The following PDE11A variants were observed in gnomAD, a reference collection of about 807,000 sequenced individuals.
The protein encoded by PDE11A is dual 3',5'-cyclic-AMP and -GMP phosphodiesterase 11A.
PDE11A carries 100 observed loss-of-function variants against 100.5 expected under a neutral mutation model. That is an observed-to-expected ratio of 1.00 (90% CI 0.85 to 1.18). The LOEUF (loss-of-function observed/expected upper bound fraction) is 1.18, where lower values mean the gene tolerates loss of function less well. PDE11A is among the 50% of genes most tolerant of loss of function. The pLI is 0.00. For missense variants in PDE11A, 1,141 were observed against 1,152.6 expected, an observed-to-expected ratio of 0.99 and a Z score of 0.15; for synonymous variants, 381 against 420.8, an observed-to-expected ratio of 0.91 and a Z score of 1.16.
chr2:178,034,397 G>A (rs2105843522), intron 1 of PDE11A, among the ~76,000 whole-genome samples: 1 of 152,312 alleles, frequency 6.6e-6, no homozygotes, highest in Non-Finnish European at 1.5e-5. Flanking sequence ...GACTTACAAA[G>A]AGACTTAGAT....
At chr2:177,969,750 C>G (rs1160556463) in intron 2 of PDE11A, among the ~76,000 whole-genome samples, 1 of 152,166 alleles carries the variant, frequency 6.6e-6, no homozygotes. Flanking sequence ...TTGTATTACA[C>G]TACTTTGTAT....
intron 12 of PDE11A, among the ~76,000 whole-genome samples, chr2:177,713,063 C>T (rs1436157999): frequency 6.6e-6 from 1 of 152,052 alleles, no homozygotes; most frequent in African/African-American, 2.4e-5. Context: ...GGCTGGAGTG[C>T]AATGGCACCA....
chr2:177,822,308 G>A (rs2083153666), intron 6 of PDE11A, among the ~76,000 whole-genome samples: 3 of 151,470 alleles, frequency 2.0e-5, no homozygotes, highest in Admixed American at 1.3e-4. Flanking sequence ...TTTTGAAATG[G>A]ATATTCAGTT....
intron 2 of PDE11A, among the ~76,000 whole-genome samples, chr2:177,971,808 G>A (rs2085774061): frequency 6.6e-6 from 1 of 151,848 alleles, no homozygotes; most frequent in South Asian, 2.1e-4. Context: ...GAGCTGGTGG[G>A]AACATCCAGA....
chr2:177,664,973 T>G (rs1450396735), intron 18 of PDE11A, among the ~76,000 whole-genome samples: 1 of 152,034 alleles, frequency 6.6e-6, no homozygotes, highest in Non-Finnish European at 1.5e-5. Context: ...TGGGAGTGGG[T>G]GGGGCAGAAA....
rs1263988895 is a variant in PDE11A, at chr2:177,792,051, C to T, written c.1738-22678G>A. On this transcript the variant is annotated intron_variant, in intron 9 of 19. Coordinates refer to ENST00000286063, the MANE Select transcript of PDE11A (RefSeq NM_016953.4). ...TAATTCTTAGTGAGATTAAATATGG[C>T]TCTATACATATGCATATTGGACTAT... Among the ~76,000 whole-genome samples, 6 of 152,118 alleles carry T rather than the reference C, an allele frequency of 3.9e-5. No individual in the cohort carries two copies. The East Asian group carries it at 1.2e-3, about 29-fold the overall frequency.
chr2:177,693,585 G>C (rs1032824104), intron 15 of PDE11A, among the ~76,000 whole-genome samples: 1 of 152,156 alleles, frequency 6.6e-6, no homozygotes, highest in African/African-American at 2.4e-5. Context: ...TGCTTTGGGA[G>C]AGGACACAGG....
chr2:177,802,902 T>C (rs2082813858), intron 9 of PDE11A, among the ~76,000 whole-genome samples: 1 of 152,044 alleles, frequency 6.6e-6, no homozygotes. Context: ...AGCACTTGTA[T>C]AAATTTAAAA....
chr2:177,860,663 C>T (rs1428987445), intron 5 of PDE11A, among the ~76,000 whole-genome samples: 2 of 151,568 alleles, frequency 1.3e-5, no homozygotes, highest in Non-Finnish European at 1.5e-5. Context: ...GCTATAGACC[C>T]TTATAAATAT....
rs547982693 is a variant in PDE11A, at chr2:177,821,837, T to A, written c.1501-1542A>T. ...AATAAATTTATAATTTTCCTACTTATGATTAATGAAGTTGAGCAACTTTTC... is the reference window on the plus strand; with the variant it reads ...AATAAATTTATAATTTTCCTACTTAAGATTAATGAAGTTGAGCAACTTTTC... On this transcript the variant is annotated intron_variant, in intron 6 of 19. Coordinates refer to ENST00000286063, the MANE Select transcript of PDE11A (RefSeq NM_016953.4). Among the ~76,000 whole-genome samples, 261 of 152,078 alleles carry A rather than the reference T, an allele frequency of 1.7e-3. 2 individuals carry two copies. The highest frequency in any genetic ancestry group is 5.8e-3 in the African/African-American group (242 of 41,574).
intron 10 of PDE11A, among the ~76,000 whole-genome samples, chr2:177,759,171 G>A (rs1408557791): frequency 8.0e-6 from 1 of 125,344 alleles, no homozygotes; most frequent in Non-Finnish European, 1.7e-5. Flanking sequence ...GTTGGAGCAC[G>A]TGCACACACA....
chr2:177,858,102 T>A (rs940621256), intron 5 of PDE11A, among the ~76,000 whole-genome samples: 2 of 152,068 alleles, frequency 1.3e-5, no homozygotes, highest in Non-Finnish European at 2.9e-5. Flanking sequence ...TAATTCAAGA[T>A]GGATTAAAGA....
At position 177,626,706 on chromosome 2, in the gene PDE11A, C is replaced by T. The variant is rs2079837971; in HGVS notation, c.*2701G>A. On this transcript the variant is annotated 3_prime_UTR_variant, in exon 20 of 20. Transcript: ENST00000286063. The stretch of plus-strand genomic sequence containing the variant: ...CATTTCCCCCTCTACTTTCTCCAGT[C>T]TTCCCTGCAGAGACAGCTGTAAAGG... The T allele has an allele frequency of 6.6e-6, 1 of 152,508 alleles. No homozygotes were observed. Among genetic ancestry groups the T allele is most frequent in the African/African-American group, 2.4e-5 (1 of 41,432 alleles). 9.4% of individuals were successfully genotyped at this position (152,508 alleles called of 1,614,324 possible). A position where few individuals can be genotyped will look rare whatever the true frequency, so the allele number is the denominator to read the frequency against.
Position 177,898,141 on chromosome 2 carries a change from C to A in PDE11A, c.1219G>T (p.Val407Phe). The A allele has an allele frequency of 1.9e-6, 3 of 1,610,492 alleles. No individual in the cohort carries two copies. The highest frequency in any genetic ancestry group is 2.5e-6 in the Non-Finnish European group (3 of 1,176,694). Residue 407 changes from valine to phenylalanine, a missense_variant, in exon 4 of 20, where the codon GTC (valine) becomes TTC (phenylalanine). Val to Phe is a conservative substitution (Grantham distance 50). Coordinates refer to ENST00000286063, the MANE Select transcript of PDE11A (RefSeq NM_016953.4). ...TGGGCCCGATGCATTATTTTCTTGA[C>A]AATTTTCTCCAGGTCAGTCTGTTCT... ...FEEQTDLEKIVKKIMHRAQTL... is the reference protein window; with the variant it reads ...FEEQTDLEKIFKKIMHRAQTL...
chr2:178,092,214 T>C (rs532349210), intron 2 of PDE11A, among the ~76,000 whole-genome samples: 2 of 152,324 alleles, frequency 1.3e-5, no homozygotes, highest in Admixed American at 6.5e-5. Flanking sequence ...ACAGTAGTTG[T>C]TAGACTTACA....
intron 1 of PDE11A, among the ~76,000 whole-genome samples, chr2:178,027,545 T>C (rs1024869884): frequency 3.9e-5 from 6 of 152,198 alleles, no homozygotes; most frequent in Admixed American, 6.5e-5. Flanking sequence ...TTTATCTCTA[T>C]GAAAAACCAT....
intron 1 of PDE11A, among the ~76,000 whole-genome samples, chr2:178,019,944 ATCAG>A (rs2086385444): frequency 6.6e-6 from 1 of 152,220 alleles, no homozygotes; most frequent in East Asian, 1.9e-4. Flanking sequence ...TTTGACCAAA[ATCAG>A]TGGTTGTTCC....
At chr2:177,820,114 G>T in intron 7 of PDE11A, 106 bp downstream of exon 7, 1 of 709,676 alleles carries the variant, frequency 1.4e-6, no homozygotes, top group Non-Finnish European at 2.6e-6. Context: ...AGTTTGATGA[G>T]TCCTGGCCAT....
chr2:177,995,196 C>T (rs2086055498), intron 2 of PDE11A, among the ~76,000 whole-genome samples: 1 of 152,160 alleles, frequency 6.6e-6, no homozygotes, highest in African/African-American at 2.4e-5. Context: ...CTCTGAGGTC[C>T]AGAGTGGCGG....
Sources: gnomAD v4.1 joint callset for allele counts (sites outside exome capture counted in the v4.1 genomes callset) on GRCh38, gnomAD v4.1.1 for gene constraint, MANE v1.5 for transcripts, NCBI Gene and HGNC (gene_info 2026-07-23, HGNC 2026-07-21) for gene names.